The following GAR1 variants were observed in gnomAD, a reference collection of about 807,000 sequenced individuals.
The protein encoded by GAR1 is GAR1 ribonucleoprotein, also known as H/ACA ribonucleoprotein complex subunit 1.
A neutral mutation model predicts 29.3 loss-of-function variants in GAR1; 11 were observed. The observed-to-expected ratio is 0.38, with a 90% CI of 0.24 to 0.62. The LOEUF (loss-of-function observed/expected upper bound fraction) is 0.62. Among genes scored for constraint, GAR1 ranks in the 20% least tolerant of loss-of-function variants. The probability of loss-of-function intolerance (pLI) is 0.62; values close to 1 mark genes in which losing one functional copy is unlikely to be tolerated. For synonymous variants in GAR1, 87 were observed against 93.3 expected (o/e 0.93, Z 0.39); for missense variants, 237 against 268.4 (o/e 0.88, Z 0.82).
chr4:109,819,445 G>A (rs1716216015), intron 4 of GAR1: 1 of 211,416 alleles, frequency 4.7e-6, no homozygotes, highest in Admixed American at 6.0e-5. Flanking sequence ...TCAATAACAT[G>A]ATATATGCTA....
At chr4:109,816,119 G>T in intron 1 of GAR1, 34 bp from the exon 2 acceptor site, 2 of 1,587,600 alleles carry the variant, frequency 1.3e-6, no homozygotes, top group South Asian at 2.2e-5. Context: ...AGGCTACAGT[G>T]ATCAGAAGAC....
At chr4:109,823,265 T>C (rs1357080721) in intron 5 of GAR1, among the ~76,000 whole-genome samples, 1 of 152,140 alleles carries the variant, frequency 6.6e-6, no homozygotes, top group Non-Finnish European at 1.5e-5. Context: ...CTTGGACAGC[T>C]TTTGTTACTG....
At chr4:109,822,855 TACTC>T (rs1285319406) in intron 5 of GAR1, among the ~76,000 whole-genome samples, 6 of 152,226 alleles carry the variant, frequency 3.9e-5, no homozygotes, top group African/African-American at 1.4e-4. Flanking sequence ...ATATTTTTAA[TACTC>T]AGCGAAACCT....
intron 4 of GAR1, among the ~76,000 whole-genome samples, chr4:109,820,059 G>A (rs551370367): frequency 4.6e-5 from 7 of 152,284 alleles, no homozygotes; most frequent in Admixed American, 1.3e-4. Context: ...AGGCACCTTG[G>A]GAAGCGGTCA....
At chr4:109,822,907 A>G (rs1338574027) in intron 5 of GAR1, among the ~76,000 whole-genome samples, 2 of 152,214 alleles carry the variant, frequency 1.3e-5, no homozygotes, top group African/African-American at 4.8e-5. Flanking sequence ...TGAATGAGGA[A>G]ACGGAGACTT....
intron 4 of GAR1, among the ~76,000 whole-genome samples, chr4:109,821,245 C>G (rs1184810187): frequency 6.6e-6 from 1 of 152,172 alleles, no homozygotes; most frequent in Non-Finnish European, 1.5e-5. Flanking sequence ...GCTCATGTGA[C>G]TCAGGAACTG....
chr4:109,823,911 ATATTC>A, intron 5 of GAR1, 49 bp from the exon 6 acceptor site: 1 of 1,131,188 alleles, frequency 8.8e-7, no homozygotes, highest in Non-Finnish European at 1.3e-6. Context: ...AATGATTATT[ATATTC>A]TATTGTTATT....
At chr4:109,821,334 A>G (rs1013321387) in intron 4 of GAR1, among the ~76,000 whole-genome samples, 26 of 152,168 alleles carry the variant, frequency 1.7e-4, no homozygotes, top group Admixed American at 4.6e-4. Flanking sequence ...AGATCTAGAC[A>G]ATATTTTTGA....
At position 109,819,066 on chromosome 4, in the gene GAR1, T is replaced by C; in HGVS notation, c.429+6T>C. 1.4e-6 allele frequency: 2 copies of C among 1,447,040 alleles called. 1 individual carries two copies. Among genetic ancestry groups the C allele is most frequent in the South Asian group, 2.3e-5 (2 of 87,448 alleles). The allele number at this position is 1,447,040 out of a possible 1,614,324, so 89.6% of individuals were successfully genotyped here. ...CCTTTAAAAAACTACAGAAGGTGAGTCAAACTTATGATACTTGGGATCCTT... is the reference window on the plus strand; with the variant it reads ...CCTTTAAAAAACTACAGAAGGTGAGCCAAACTTATGATACTTGGGATCCTT... On this transcript the variant is annotated splice_donor_region_variant and intron_variant, in intron 4 of 6. Transcript: ENST00000226796.
intron 3 of GAR1, 48 bp downstream of exon 3, chr4:109,818,138 T>C (rs2125888709): frequency 7.2e-7 from 1 of 1,390,022 alleles, no homozygotes; most frequent in East Asian, 2.3e-5. Flanking sequence ...GGTTGCTATT[T>C]GCATTTTTCT....
intron 5 of GAR1, among the ~76,000 whole-genome samples, chr4:109,823,511 A>C (rs1037438504): frequency 6.6e-6 from 1 of 152,146 alleles, no homozygotes; most frequent in Non-Finnish European, 1.5e-5. Context: ...TAGCTCAGTT[A>C]ATCTTAACTA....
rs1579350665 is a variant in GAR1 at position 109,816,316 on chromosome 4, G to C, written c.152G>C (p.Arg51Pro). The C allele has an allele frequency of 3.1e-6, 5 of 1,613,518 alleles. No homozygotes were observed. In the East Asian group the frequency reaches 1.1e-4, roughly 36 times the overall value. The change falls in exon 2 of 7, where the codon CGA becomes CCA. Residue 51 changes from arginine (R) to proline (P), a missense_variant. Physicochemically the swap from Arg to Pro is moderately radical, Grantham distance 103. Coordinates refer to ENST00000226796, the MANE Select transcript of GAR1 (RefSeq NM_018983.4). ...FRGGGRGGFG[R>P]GGGRGGFNKG... ...GGCGGCGGCAGGGGAGGATTTGGAC[G>C]AGGGGGTGGCCGCGGAGGCTTTAAC...
intron 6 of GAR1, 114 bp from the exon 7 acceptor site, chr4:109,824,304 A>G (rs1560581456): frequency 8.3e-6 from 6 of 726,884 alleles, no homozygotes; most frequent in Non-Finnish European, 1.2e-5. Context: ...TTGGTAAAGT[A>G]TGTTTGCTAA....
intron 1 of GAR1, 76 bp downstream of exon 1, chr4:109,815,880 A>C: frequency 2.4e-6 from 1 of 416,396 alleles, no homozygotes; most frequent in Non-Finnish European, 4.3e-6. Context: ...GGAGGAAGGA[A>C]GGGGATGCGG....
intron 4 of GAR1, among the ~76,000 whole-genome samples, chr4:109,820,138 G>A (rs959228464): frequency 1.3e-5 from 2 of 152,126 alleles, no homozygotes; most frequent in African/African-American, 2.4e-5. Context: ...TTTTGGACTC[G>A]GTAGTGACAG....
At chr4:109,821,206 A>G (rs557328806) in intron 4 of GAR1, among the ~76,000 whole-genome samples, 74 of 152,344 alleles carry the variant, frequency 4.9e-4, no homozygotes, top group African/African-American at 1.8e-3. Flanking sequence ...GCTCTTAGCC[A>G]CATGTAGCTA....
At position 109,823,991 on chromosome 4, in the gene GAR1, G is replaced by A. The variant is rs1429332983; in HGVS notation, c.598G>A (p.Gly200Arg). The change falls in exon 6 of 7, where the codon GGA becomes AGA. Residue 200 changes from glycine (G) to arginine (R), a missense_variant. Physicochemically the swap from Gly to Arg is moderately radical, Grantham distance 125. Coordinates refer to ENST00000226796, the MANE Select transcript of GAR1 (RefSeq NM_018983.4). Reference sequence around the variant, plus strand: ...TGGTTTTAGAGGTGGAAGAGGAGGTGGAGGTGGGGGCTTCAGAGGAGGAAG... The same window carrying A: ...TGGTTTTAGAGGTGGAAGAGGAGGTAGAGGTGGGGGCTTCAGAGGAGGAAG... ...GGGFRGGRGG[G>R]GGGFRGGRGG... 2.5e-6 allele frequency: 4 copies of A among 1,607,486 alleles called. No homozygotes were observed. Among genetic ancestry groups the A allele is most frequent in the Non-Finnish European group, 3.4e-6 (4 of 1,175,270 alleles).
intron 6 of GAR1, 110 bp from the exon 7 acceptor site, chr4:109,824,308 T>G (rs1299525923): frequency 2.7e-6 from 2 of 749,316 alleles, no homozygotes; most frequent in Non-Finnish European, 4.7e-6. Context: ...TAAAGTATGT[T>G]TGCTAAACAT....
At chr4:109,819,230 T>C in intron 4 of GAR1, 170 bp downstream of exon 4, 1 of 645,222 alleles carries the variant, frequency 1.5e-6, no homozygotes, top group Non-Finnish European at 2.8e-6. Context: ...TAAAAGTGAT[T>C]TATTTGATAC....
Sources: gnomAD v4.1 joint callset for allele counts (sites outside exome capture counted in the v4.1 genomes callset) on GRCh38, gnomAD v4.1.1 for gene constraint, MANE v1.5 for transcripts, NCBI Gene and HGNC (gene_info 2026-07-23, HGNC 2026-07-21) for gene names.